RAI14: variants seen among roughly 807,000 people sequenced by gnomAD.
RAI14 encodes ankycorbin.
RAI14 carries 45 observed loss-of-function variants against 115.4 expected under a neutral mutation model. That is an observed-to-expected ratio of 0.39 (90% confidence interval 0.31 to 0.50). The LOEUF (loss-of-function observed/expected upper bound fraction) is 0.50. Ranked by LOEUF, RAI14 falls within the 20% of genes least tolerant of loss-of-function variation. RAI14 has a pLI of 0.85. For synonymous variants in RAI14, 371 were observed against 415.4 expected, an observed-to-expected ratio of 0.89 and a Z score of 1.30; for missense variants, 939 against 1,131.2, an observed-to-expected ratio of 0.83 and a Z score of 2.44.
rs547516996 is a variant in RAI14, at chr5:34,800,596, G to A, written c.257-3116G>A. Among the ~76,000 whole-genome samples the A allele has an allele frequency of 9.2e-5, 14 of 152,296 alleles. No homozygotes were observed. The East Asian group carries it at 2.5e-3, about 27-fold the overall frequency. ...TGTTATAGTGTTCAGGGAATGATGC[G>A]TCATTCGGATTTTGAGACTATTTTT... On this transcript the variant is annotated intron_variant, in intron 4 of 17. Transcript: ENST00000265109.
chr5:34,713,750 G>A (rs1741679364), intron 2 of RAI14, among the ~76,000 whole-genome samples: 2 of 151,924 alleles, frequency 1.3e-5, no homozygotes, highest in South Asian at 2.1e-4. Flanking sequence ...GTCTATGGGT[G>A]TAATTTCCTG....
chr5:34,788,105 G>C (rs970776240), intron 3 of RAI14, among the ~76,000 whole-genome samples: 2 of 151,424 alleles, frequency 1.3e-5, no homozygotes, highest in African/African-American at 4.9e-5. Flanking sequence ...TTTTTGTAAA[G>C]ACAGGATTTG....
intron 15 of RAI14, among the ~76,000 whole-genome samples, chr5:34,825,789 T>G (rs1350030344): frequency 6.6e-6 from 1 of 152,016 alleles, no homozygotes; most frequent in African/African-American, 2.4e-5. Flanking sequence ...CTACTTGTCT[T>G]TATTCTTTTG....
Position 34,782,094 on chromosome 5 carries a change from G to A in RAI14, c.168-13845G>A, listed in dbSNP as rs1017791699. On this transcript the variant is annotated intron_variant, in intron 3 of 17. Transcript: ENST00000265109. ...TTGTGGTTCAGGAATGCCTTTAAGCGGTTTTCCACCCTGGGTGGGCCAGGT... is the reference window on the plus strand; with the variant it reads ...TTGTGGTTCAGGAATGCCTTTAAGCAGTTTTCCACCCTGGGTGGGCCAGGT... 3.3e-5 allele frequency among the ~76,000 whole-genome samples: 5 copies of A among 152,190 alleles called. No individual in the cohort carries two copies. In the East Asian group the frequency reaches 5.8e-4, roughly 18 times the overall value.
At chr5:34,694,120 G>A (rs1364578314) in intron 2 of RAI14, among the ~76,000 whole-genome samples, 3 of 152,176 alleles carry the variant, frequency 2.0e-5, no homozygotes, top group African/African-American at 4.8e-5. Context: ...ATATGAAACC[G>A]AGGGCCTGGC....
chr5:34,665,264 GCAAT>G (rs1277800723), intron 1 of RAI14, among the ~76,000 whole-genome samples: 6 of 139,774 alleles, frequency 4.3e-5, no homozygotes, highest in Non-Finnish European at 9.1e-5. Context: ...CCACGTTTTT[GCAAT>G]CAGTTTGCTT....
At chr5:34,681,481 T>C (rs1392365886) in intron 1 of RAI14, among the ~76,000 whole-genome samples, 2 of 152,146 alleles carry the variant, frequency 1.3e-5, no homozygotes. Context: ...TATTCCTATA[T>C]TCCGTGATGG....
chr5:34,799,843 A>G (rs1228797717), intron 4 of RAI14, among the ~76,000 whole-genome samples: 2 of 151,806 alleles, frequency 1.3e-5, no homozygotes, highest in African/African-American at 4.8e-5. Flanking sequence ...GCCCGCCACC[A>G]CGCCTGGCTA....
At chr5:34,802,279 A>C (rs338272) in intron 4 of RAI14, among the ~76,000 whole-genome samples, 1 of 152,096 alleles carries the variant, frequency 6.6e-6, no homozygotes, top group African/African-American at 2.4e-5. Context: ...GAGAAAGTGC[A>C]TCTACGGCCA....
chr5:34,756,753 C>A (rs1747937401), intron 2 of RAI14, among the ~76,000 whole-genome samples: 1 of 152,244 alleles, frequency 6.6e-6, no homozygotes, highest in Admixed American at 6.5e-5. Context: ...GTCTCTTTCC[C>A]TCCTAAGTGT....
intron 1 of RAI14, among the ~76,000 whole-genome samples, chr5:34,662,162 T>A (rs1211784832): frequency 6.6e-6 from 1 of 152,202 alleles, no homozygotes; most frequent in Middle Eastern, 3.2e-3. Context: ...TTGCCCTGAC[T>A]TTGTGCTTTT....
intron 2 of RAI14, among the ~76,000 whole-genome samples, chr5:34,740,915 A>G (rs765802085): frequency 1.3e-5 from 2 of 152,244 alleles, no homozygotes; most frequent in Non-Finnish European, 2.9e-5. Context: ...TAAATAAATC[A>G]GTGGTGTCTC....
intron 3 of RAI14, among the ~76,000 whole-genome samples, chr5:34,781,542 C>A (rs977194086): frequency 1.3e-5 from 2 of 152,142 alleles, no homozygotes; most frequent in Admixed American, 1.3e-4. Flanking sequence ...TACATCTGGA[C>A]ATTTAGGTTG....
intron 3 of RAI14, among the ~76,000 whole-genome samples, chr5:34,759,696 A>G (rs1289587907): frequency 6.6e-6 from 1 of 152,230 alleles, no homozygotes; most frequent in East Asian, 1.9e-4. Flanking sequence ...CTATATTACA[A>G]TGTAATAATA....
intron 3 of RAI14, among the ~76,000 whole-genome samples, chr5:34,784,711 C>A (rs920031549): frequency 6.6e-5 from 10 of 152,168 alleles, no homozygotes; most frequent in African/African-American, 2.4e-4. Context: ...AATCTAGAGC[C>A]TTCTCTGGAT....
At chr5:34,673,741 C>T (rs1743779649) in intron 1 of RAI14, among the ~76,000 whole-genome samples, 1 of 152,192 alleles carries the variant, frequency 6.6e-6, no homozygotes, top group Non-Finnish European at 1.5e-5. Flanking sequence ...ATCAGCACCC[C>T]TCAACCCCAT....
chr5:34,810,808 G>C (rs1755492431), intron 7 of RAI14, among the ~76,000 whole-genome samples: 1 of 152,004 alleles, frequency 6.6e-6, no homozygotes, highest in South Asian at 2.1e-4. Flanking sequence ...GTAAAAGCTA[G>C]CATTCAGTAA....
intron 2 of RAI14, among the ~76,000 whole-genome samples, chr5:34,699,845 A>G (rs1463827636): frequency 6.6e-6 from 1 of 152,192 alleles, no homozygotes; most frequent in Non-Finnish European, 1.5e-5. Flanking sequence ...CTGGACTTGA[A>G]TTTCAAATTC....
intron 1 of RAI14, among the ~76,000 whole-genome samples, chr5:34,677,161 ATTTTTTT>A (rs747450748): frequency 1.2e-5 from 1 of 83,152 alleles, no homozygotes; most frequent in South Asian, 3.7e-4. Flanking sequence ...TGACATTTCT[ATTTTTTT>A]TTTTTTTTTT....
Sources: gnomAD v4.1 joint callset for allele counts (sites outside exome capture counted in the v4.1 genomes callset) on GRCh38, gnomAD v4.1.1 for gene constraint, MANE v1.5 for transcripts, NCBI Gene and HGNC (gene_info 2026-07-23, HGNC 2026-07-21) for gene names.